The following FKTN variants were observed in gnomAD, a reference collection of about 807,000 sequenced individuals.
FKTN encodes fukutin.
FKTN carries 47 observed loss-of-function variants against 58.6 expected under a neutral mutation model. The ratio of observed to expected loss-of-function variants is 0.80; its 90% CI spans 0.63 to 1.02. The LOEUF (loss-of-function observed/expected upper bound fraction) is 1.02, where lower values mean the gene tolerates loss of function less well. FKTN is among the 50% of genes least tolerant of loss of function. FKTN has a pLI of 0.00. For synonymous variants in FKTN, 178 were observed against 191.9 expected, an observed-to-expected ratio of 0.93 and a Z score of 0.60; for missense variants, 516 against 537.3, an observed-to-expected ratio of 0.96 and a Z score of 0.39.
At chr9:105,592,460 A>C in intron 3 of FKTN, among the ~76,000 whole-genome samples, 1 of 152,060 alleles carries the variant, frequency 6.6e-6, no homozygotes, top group East Asian at 1.9e-4. Context: ...AATATGGTGA[A>C]ACCCTGTCTC....
At position 105,635,891 on chromosome 9, in the gene FKTN, G is replaced by C. The variant is rs1416133743; in HGVS notation, c.*627G>C. On this transcript the variant is annotated 3_prime_UTR_variant, in exon 11 of 11. Coordinates refer to ENST00000357998, the MANE Select transcript of FKTN (RefSeq NM_001079802.2). ...TTATTTGTATCAGAGCTTATTACTT[G>C]TCAGGATAAGTAAATTTCTGTACAT... 9 of 988,504 alleles carry C rather than the reference G, an allele frequency of 9.1e-6. No homozygotes were observed. The highest frequency in any genetic ancestry group is 1.7e-5 in the African/African-American group (1 of 57,234). 61.2% of individuals were successfully genotyped at this position (988,504 alleles called of 1,614,324 possible).
intron 1 of FKTN, among the ~76,000 whole-genome samples, chr9:105,563,598 T>TGGG (rs145267923): frequency 2.9e-5 from 4 of 139,406 alleles, no homozygotes; most frequent in African/African-American, 1.0e-4. Context: ...GCAGCGAGGC[T>TGGG]GGGGGGGGGG....
chr9:105,612,690 C>T (rs563116221), intron 7 of FKTN, among the ~76,000 whole-genome samples: 53 of 152,232 alleles, frequency 3.5e-4, no homozygotes, highest in Non-Finnish European at 5.6e-4. Context: ...TCTGGCTGGG[C>T]GCCATGGCTC....
Position 105,640,490 on chromosome 9 carries a change from C to T in FKTN, c.*5226C>T. The T allele has an allele frequency of 6.0e-6, 1 of 166,656 alleles. No homozygotes were observed. The highest frequency in any genetic ancestry group is 1.3e-5 in the Non-Finnish European group (1 of 78,046). 10.3% of individuals were successfully genotyped at this position (166,656 alleles called of 1,614,324 possible). ...ATCACTTGAACCCGGGAAGCAGAGT[C>T]TGCAGTGAGCCAAGATCGCGGCATT... On this transcript the variant is annotated 3_prime_UTR_variant, in exon 11 of 11. Coordinates refer to ENST00000357998, the MANE Select transcript of FKTN (RefSeq NM_001079802.2).
At chr9:105,613,829 A>G (rs114519886) in intron 7 of FKTN, among the ~76,000 whole-genome samples, 1,870 of 152,338 alleles carry the variant, frequency 0.012, 54 homozygotes, top group African/African-American at 0.043. Flanking sequence ...TGCTCTATAA[A>G]TGTTGAATAG....
At chr9:105,615,196 T>A (rs756985972) in intron 7 of FKTN, 82 bp from the exon 8 acceptor site, 85 of 1,501,368 alleles carry the variant, frequency 5.7e-5, no homozygotes, top group Middle Eastern at 3.4e-4. Flanking sequence ...GGGTTAATTT[T>A]CAAATTTAAT....
intron 1 of FKTN, among the ~76,000 whole-genome samples, chr9:105,572,213 A>G (rs886830146): frequency 1.4e-5 from 2 of 147,446 alleles, no homozygotes; most frequent in African/African-American, 5.1e-5. Flanking sequence ...ATTTCTCTTA[A>G]GTAGTTTCTT....
intron 3 of FKTN, among the ~76,000 whole-genome samples, chr9:105,577,630 T>G (rs1213051062): frequency 6.7e-6 from 1 of 150,080 alleles, no homozygotes; most frequent in Admixed American, 6.6e-5. Context: ...TCTTTTGGCT[T>G]AGGATTGACT....
intron 10 of FKTN, among the ~76,000 whole-genome samples, chr9:105,621,669 A>G (rs1228088387): frequency 1.3e-5 from 2 of 152,040 alleles, no homozygotes; most frequent in Non-Finnish European, 2.9e-5. Flanking sequence ...CCTTTACACA[A>G]ATAGTATTAT....
chr9:105,640,085 T>C lies in FKTN; in HGVS notation c.*4821T>C. ...TCTACTTTCTGCCCTCAAATTTCTG[T>C]TTCTATCTCAACTAGGCAAGAATCA... is the stretch of plus-strand genomic sequence containing the variant. On this transcript the variant is annotated 3_prime_UTR_variant, in exon 11 of 11. Transcript: ENST00000357998. 1 of 1,535,206 alleles carries C rather than the reference T, an allele frequency of 6.5e-7. No individual in the cohort carries two copies. Among genetic ancestry groups the C allele is most frequent in the Non-Finnish European group, 8.7e-7 (1 of 1,146,480 alleles).
At chr9:105,584,776 G>C (rs1329146262) in intron 3 of FKTN, among the ~76,000 whole-genome samples, 1 of 152,038 alleles carries the variant, frequency 6.6e-6, no homozygotes, top group Non-Finnish European at 1.5e-5. Context: ...AGCTGTCATT[G>C]CGCCACTGCA....
At chr9:105,561,090 A>C (rs1838211639) in intron 1 of FKTN, among the ~76,000 whole-genome samples, 1 of 149,108 alleles carries the variant, frequency 6.7e-6, no homozygotes. Flanking sequence ...GTCTCAAAAA[A>C]CAAAAAAAAA....
intron 5 of FKTN, among the ~76,000 whole-genome samples, chr9:105,603,039 C>A (rs1352783575): frequency 6.6e-6 from 1 of 152,116 alleles, no homozygotes; most frequent in South Asian, 2.1e-4. Context: ...TCTAGCAAAA[C>A]CTTGACCTAG....
chr9:105,598,296 C>G (rs1827201846), intron 4 of FKTN: 1 of 299,852 alleles, frequency 3.3e-6, no homozygotes, highest in Non-Finnish European at 6.9e-6. Flanking sequence ...TAACATACTT[C>G]TAAACTTTTA....
rs1272573854 is a variant in FKTN at position 105,575,081 on chromosome 9, A to C, written c.49A>C (p.Ser17Arg). ...GGTTTTGGCCCTTTTAACGCTGACA[A>C]GTTCTGCATTTCTGCTGTTTCAGTT... ...NVVLALLTLT[S>R]SAFLLFQLYY... The change falls in exon 3 of 11, where the codon AGT becomes CGT. Residue 17 changes from serine (S) to arginine (R), a missense_variant. Coordinates refer to ENST00000357998, the MANE Select transcript of FKTN (RefSeq NM_001079802.2). 4 of 1,612,554 alleles carry C rather than the reference A, an allele frequency of 2.5e-6. No homozygotes were observed. In the East Asian group the frequency reaches 8.9e-5, roughly 36 times the overall value.
intron 5 of FKTN, among the ~76,000 whole-genome samples, chr9:105,603,513 C>T (rs1180490601): frequency 6.6e-6 from 1 of 152,080 alleles, no homozygotes; most frequent in Non-Finnish European, 1.5e-5. Flanking sequence ...TTTTGAAGTA[C>T]TTTTGAAGAT....
chr9:105,624,496 T>G (rs1246031808), intron 10 of FKTN: 1 of 151,518 alleles, frequency 6.6e-6, no homozygotes, highest in Non-Finnish European at 1.5e-5. Flanking sequence ...CCAGGCATGG[T>G]GGCATGTGTC....
chr9:105,581,551 G>C (rs1426957229), intron 3 of FKTN, among the ~76,000 whole-genome samples: 1 of 151,716 alleles, frequency 6.6e-6, no homozygotes, highest in African/African-American at 2.4e-5. Context: ...CGTGCTGGGA[G>C]AACCACTGCT....
At chr9:105,626,832 T>TA (rs1296251708) in intron 10 of FKTN, among the ~76,000 whole-genome samples, 1 of 152,172 alleles carries the variant, frequency 6.6e-6, no homozygotes, top group Non-Finnish European at 1.5e-5. Flanking sequence ...TTCCTTGACT[T>TA]AATGAAGGCA....
Sources: gnomAD v4.1 joint callset for allele counts (sites outside exome capture counted in the v4.1 genomes callset) on GRCh38, gnomAD v4.1.1 for gene constraint, MANE v1.5 for transcripts, NCBI Gene and HGNC (gene_info 2026-07-23, HGNC 2026-07-21) for gene names.